PARD3B: variants seen among roughly 807,000 people sequenced by gnomAD.
The protein encoded by PARD3B is partitioning defective 3 homolog B.
A neutral mutation model predicts 130.2 loss-of-function variants in PARD3B; 103 were observed. The ratio of observed to expected loss-of-function variants is 0.79; its 90% CI spans 0.67 to 0.93. The LOEUF (loss-of-function observed/expected upper bound fraction) is 0.93. PARD3B is among the 40% of genes least tolerant of loss of function. The pLI is 0.00. For missense variants in PARD3B, 1,609 were observed against 1,499.2 expected, an observed-to-expected ratio of 1.07 and a Z score of -1.21; for synonymous variants, 583 against 553.2, an observed-to-expected ratio of 1.05 and a Z score of -0.76.
intron 19 of PARD3B, among the ~76,000 whole-genome samples, chr2:205,410,629 G>A (rs73053972): frequency 0.035 from 5,296 of 152,118 alleles, 313 homozygotes; most frequent in African/African-American, 0.12. Context: ...TCTGTAGGCC[G>A]GTTTGGGGCT....
rs145737930 is a variant in PARD3B, at chr2:204,913,688, TG to T, written c.223-51463del. Among the ~76,000 whole-genome samples the T allele has an allele frequency of 7.8e-3, 1,189 of 152,314 alleles. 21 individuals are homozygous for T. The highest frequency in any genetic ancestry group is 0.027 in the African/African-American group (1,122 of 41,568). On this transcript the variant is annotated intron_variant, in intron 2 of 22. Transcript: ENST00000406610. ...ATCATCATGGAAAAAGAAATGAAGCTGTTTGTGTCTAGTTTAAGAAGTTTTG... is the reference window on the plus strand; with the variant it reads ...ATCATCATGGAAAAAGAAATGAAGCTTTTGTGTCTAGTTTAAGAAGTTTTG...
At chr2:205,279,098 A>C (rs2041088493) in intron 16 of PARD3B, among the ~76,000 whole-genome samples, 1 of 147,792 alleles carries the variant, frequency 6.8e-6, no homozygotes, top group Non-Finnish European at 1.5e-5. Context: ...AAAAAAAAAC[A>C]GTTGTTCATT....
chr2:205,294,533 A>C (rs576634187), intron 16 of PARD3B, among the ~76,000 whole-genome samples: 1 of 152,182 alleles, frequency 6.6e-6, no homozygotes, highest in Admixed American at 6.5e-5. Context: ...ACATTTGAAC[A>C]CACTTGAAGG....
rs921083214 is a variant in PARD3B at position 205,550,167 on chromosome 2, C to G, written c.3181-3157C>G. Among the ~76,000 whole-genome samples the G allele has an allele frequency of 2.6e-5, 4 of 152,078 alleles. No homozygotes were observed. Among genetic ancestry groups the G allele is most frequent in the Non-Finnish European group, 5.9e-5 (4 of 68,028 alleles). On this transcript the variant is annotated intron_variant, in intron 21 of 22. Transcript: ENST00000406610. This position sits in a 1 kb window ranked among gnomAD's most constrained non-coding sequence, Gnocchi z 4.5. ...ATGGCTTATCCTACTACTCCTACAC[C>G]CTTCTGCCCCAGAAAAACTCCTCCT... is the stretch of plus-strand genomic sequence containing the variant.
At chr2:205,175,978 CAG>C (rs2035446868) in intron 12 of PARD3B, among the ~76,000 whole-genome samples, 3 of 152,202 alleles carry the variant, frequency 2.0e-5, no homozygotes, top group Non-Finnish European at 4.4e-5. Flanking sequence ...AGTATCTGCA[CAG>C]AGACACACTG....
At chr2:204,850,984 T>C (rs1447178534) in intron 2 of PARD3B, among the ~76,000 whole-genome samples, 1 of 152,210 alleles carries the variant, frequency 6.6e-6, no homozygotes, top group African/African-American at 2.4e-5. Flanking sequence ...GTAGAAGGCT[T>C]GCATTTGGTT....
chr2:204,683,662 G>A (rs978760648), intron 1 of PARD3B, among the ~76,000 whole-genome samples: 3 of 152,124 alleles, frequency 2.0e-5, no homozygotes, highest in African/African-American at 7.2e-5. Flanking sequence ...CCCTGAGACT[G>A]ATTTCCTATG....
At chr2:205,200,692 G>A (rs1437157921) in intron 15 of PARD3B, among the ~76,000 whole-genome samples, 1 of 152,016 alleles carries the variant, frequency 6.6e-6, no homozygotes, top group East Asian at 1.9e-4. Flanking sequence ...GTAAACAGAT[G>A]GTAAAGATGT....
chr2:204,596,940 A>G (rs78565687), intron 1 of PARD3B, among the ~76,000 whole-genome samples: 2 of 148,492 alleles, frequency 1.3e-5, no homozygotes, highest in South Asian at 2.2e-4. Context: ...CTCTCTCTCT[A>G]TCTGTCTCTC....
In PARD3B at chr2:204,922,381, G is replaced by A. The variant is rs192098677; in HGVS notation, c.223-42771G>A. ...AAGGGAAGGATTGTGGAAGCTGGTG[G>A]TAGAAGGTAGTCAACACTATCACAT... On this transcript the variant is annotated intron_variant, in intron 2 of 22. Transcript: ENST00000406610. Among the ~76,000 whole-genome samples the A allele has an allele frequency of 1.2e-4, 19 of 152,244 alleles. No individual in the cohort carries two copies. In the East Asian group the frequency reaches 3.1e-3, roughly 25 times the overall value.
chr2:205,494,978 A>C (rs2049871684), intron 20 of PARD3B, among the ~76,000 whole-genome samples: 2 of 152,134 alleles, frequency 1.3e-5, no homozygotes, highest in Admixed American at 6.5e-5. Flanking sequence ...GATAAATGTT[A>C]ATTTTTTTCA....
chr2:204,766,636 G>C (rs1168229917), intron 2 of PARD3B, among the ~76,000 whole-genome samples: 2 of 151,836 alleles, frequency 1.3e-5, no homozygotes, highest in African/African-American at 4.8e-5. Flanking sequence ...GTGAAATTTT[G>C]AATTCATATT....
chr2:204,657,331 A>T (rs906990649), intron 1 of PARD3B, among the ~76,000 whole-genome samples: 3 of 152,168 alleles, frequency 2.0e-5, no homozygotes, highest in African/African-American at 7.2e-5. Flanking sequence ...TAACATAGTG[A>T]AACCTCATCT....
intron 2 of PARD3B, among the ~76,000 whole-genome samples, chr2:204,891,126 T>A (rs937786670): frequency 6.6e-6 from 1 of 152,000 alleles, no homozygotes; most frequent in Non-Finnish European, 1.5e-5. Flanking sequence ...CAGGACCCGA[T>A]ATGGAATCTG....
intron 1 of PARD3B, among the ~76,000 whole-genome samples, chr2:204,628,909 A>C (rs1205626634): frequency 3.3e-5 from 5 of 152,192 alleles, no homozygotes; most frequent in Admixed American, 2.6e-4. Flanking sequence ...AGGATGAAGA[A>C]AGCAAACATT....
chr2:205,070,612 A>T (rs1194742630), intron 4 of PARD3B, among the ~76,000 whole-genome samples: 1 of 152,118 alleles, frequency 6.6e-6, no homozygotes, highest in Admixed American at 6.6e-5. Context: ...ATCATAGGTG[A>T]TATATAGCAA....
intron 3 of PARD3B, among the ~76,000 whole-genome samples, chr2:205,023,473 T>TTG (rs1696777565): frequency 1.0e-5 from 1 of 98,246 alleles, no homozygotes; most frequent in African/African-American, 3.6e-5. Context: ...TTTTTTTTTT[T>TTG]GGTAAAGAAG....
intron 1 of PARD3B, among the ~76,000 whole-genome samples, chr2:204,651,722 G>C (rs2035485511): frequency 6.6e-6 from 1 of 152,196 alleles, no homozygotes; most frequent in Non-Finnish European, 1.5e-5. Context: ...TACCCCAGTA[G>C]AGATTCTCCA....
intron 2 of PARD3B, among the ~76,000 whole-genome samples, chr2:204,875,658 T>A (rs1490608906): frequency 6.6e-6 from 1 of 152,214 alleles, no homozygotes; most frequent in Non-Finnish European, 1.5e-5. Flanking sequence ...GTAACTCTTT[T>A]ATCTGACAAT....
Sources: gnomAD v4.1 joint callset for allele counts (sites outside exome capture counted in the v4.1 genomes callset) on GRCh38, gnomAD v4.1.1 for gene constraint, Gnocchi (gnomAD v3.1) non-coding constraint, MANE v1.5 for transcripts, NCBI Gene and HGNC (gene_info 2026-07-23, HGNC 2026-07-21) for gene names.